Variants in EVX1 observed in about 807,000 individuals in gnomAD.
EVX1 encodes the protein even-skipped homeobox 1, also known as homeobox even-skipped homolog protein 1.
Under a neutral mutation model 28.6 loss-of-function variants are expected in EVX1, and 19 were observed. The ratio of observed to expected loss-of-function variants is 0.67; its 90% CI spans 0.46 to 0.98. The LOEUF (loss-of-function observed/expected upper bound fraction) is 0.98, where lower values mean the gene tolerates loss of function less well. Among genes scored for constraint, EVX1 ranks in the 50% least tolerant of loss-of-function variants. EVX1 has a pLI of 0.00. For missense variants in EVX1, 660 were observed against 583.0 expected (o/e 1.13, Z -1.36); for synonymous variants, 324 against 278.2 (o/e 1.16, Z -1.64).
intron 2 of EVX1, 37 bp downstream of exon 2, chr7:27,245,341 C>CTATT: frequency 6.2e-7 from 1 of 1,606,890 alleles, no homozygotes; most frequent in Non-Finnish European, 8.5e-7. Context: ...GGGTGTGCAC[C>CTATT]TATTTAGCGG....
In EVX1 at chr7:27,243,466, C is replaced by A; in HGVS notation, c.427+9C>A. ...GTACCAGCACAGCAAAGGTAGCCAC[C>A]GTGCCCCTCCGCTCCCCGGGCCTCC... On this transcript the variant is annotated intron_variant, in intron 1 of 2. Coordinates refer to ENST00000496902, the MANE Select transcript of EVX1 (RefSeq NM_001989.5). 1.3e-6 allele frequency: 2 copies of A among 1,565,616 alleles called. No homozygotes were observed. The highest frequency in any genetic ancestry group is 8.6e-7 in the Non-Finnish European group (1 of 1,158,672).
rs1016637460 is a variant in EVX1, at chr7:27,243,014, C to G, written c.-17C>G. 6 of 1,546,618 alleles carry G rather than the reference C, an allele frequency of 3.9e-6. No homozygotes were observed. Among genetic ancestry groups the G allele is most frequent in the Non-Finnish European group, 5.2e-6 (6 of 1,146,900 alleles). Reference sequence around the variant, plus strand: ...ACTCACTTGGGGCTTTCCCCTCCCCCACCGGAGAGCCCCGGGATGGAGAGC... The same window carrying G: ...ACTCACTTGGGGCTTTCCCCTCCCCGACCGGAGAGCCCCGGGATGGAGAGC... On this transcript the variant is annotated 5_prime_UTR_variant, in exon 1 of 3. Coordinates refer to ENST00000496902, the MANE Select transcript of EVX1 (RefSeq NM_001989.5).
intron 1 of EVX1, chr7:27,244,374 G>GC (rs1184430323): frequency 5.3e-6 from 2 of 374,928 alleles, no homozygotes; most frequent in African/African-American, 4.5e-5. Context: ...CCTGGGGGCG[G>GC]GGGGGAGAAA....
Position 27,243,138 on chromosome 7 carries a change from G to T in EVX1, c.108G>T (p.Pro36=). 2 of 1,604,992 alleles carry T rather than the reference G, an allele frequency of 1.2e-6. No individual in the cohort carries two copies. Among genetic ancestry groups the T allele is most frequent in the Middle Eastern group, 1.7e-4 (1 of 6,058 alleles). Residue 36 remains proline, a synonymous_variant, in exon 1 of 3, where the codon CCG becomes CCT. Coordinates refer to ENST00000496902, the MANE Select transcript of EVX1 (RefSeq NM_001989.5). ...NLSEAVGSPL[P]EPPEKMVPRG... is the part of the protein sequence containing the mutation. Reference sequence around the variant, plus strand: ...CCGAAGCCGTGGGCAGCCCGCTGCCGGAGCCGCCCGAGAAAATGGTGCCCC... The same window carrying T: ...CCGAAGCCGTGGGCAGCCCGCTGCCTGAGCCGCCCGAGAAAATGGTGCCCC...
At position 27,246,411 on chromosome 7, in the gene EVX1, C is replaced by G. The variant is rs750926447; in HGVS notation, c.1210C>G (p.Pro404Ala). The change falls in exon 3 of 3, where the codon CCC becomes GCC. Residue 404 changes from proline to alanine, a missense_variant. Transcript: ENST00000496902. ...SVALDQREEV[P>A]LTR ...CGCGCTGGACCAGAGGGAGGAGGTG[C>G]CCCTCACTAGATAAGGGGCCGCCGG... The G allele has an allele frequency of 6.3e-7, 1 of 1,598,210 alleles. No individual in the cohort carries two copies. The highest frequency in any genetic ancestry group is 1.3e-5 in the African/African-American group (1 of 74,124).
At chr7:27,244,015 A>G (rs1172530357) in intron 1 of EVX1, 1 of 152,364 alleles carries the variant, frequency 6.6e-6, no homozygotes, top group African/African-American at 2.4e-5. Flanking sequence ...CCAATGGTCT[A>G]ATTGCCTTTG....
Position 27,242,999 on chromosome 7 carries a change from GGCTTTC to G in EVX1, c.-31_-26del, listed in dbSNP as rs1253250335. ...GAGCCGGGGTTAGGAACTCACTTGG[GGCTTTC>G]CCCTCCCCCACCGGAGAGCCCCGGG... On this transcript the variant is annotated 5_prime_UTR_variant, in exon 1 of 3. Coordinates refer to ENST00000496902, the MANE Select transcript of EVX1 (RefSeq NM_001989.5). 1 of 1,514,104 alleles carries G rather than the reference GGCTTTC, an allele frequency of 6.6e-7. No homozygotes were observed. The highest frequency in any genetic ancestry group is 8.8e-7 in the Non-Finnish European group (1 of 1,130,502). The allele number at this position is 1,514,104 out of a possible 1,614,324, so 93.8% of individuals were successfully genotyped here. A position where few individuals can be genotyped will look rare whatever the true frequency, so the allele number is the denominator to read the frequency against.
Position 27,245,069 on chromosome 7 carries a change from T to C in EVX1, c.449T>C (p.Val150Ala). The change falls in exon 2 of 3, where the codon GTC (valine) becomes GCC (alanine). Residue 150 changes from valine to alanine, a missense_variant. Coordinates refer to ENST00000496902, the MANE Select transcript of EVX1 (RefSeq NM_001989.5). The stretch of plus-strand genomic sequence containing the variant: ...GCAGGGTCCGGCTCCGAGGCGCTGG[T>C]CGGCAGTCCGAACGGAGGGAGCGAG... ...HSKGSGSEAL[V>A]GSPNGGSETP... The C allele has an allele frequency of 6.2e-7, 1 of 1,611,788 alleles. No individual in the cohort carries two copies. The highest frequency in any genetic ancestry group is 8.5e-7 in the Non-Finnish European group (1 of 1,179,776).
At position 27,243,301 on chromosome 7, in the gene EVX1, A is replaced by G. The variant is rs1783076977; in HGVS notation, c.271A>G (p.Met91Val). 2 of 1,563,152 alleles carry G rather than the reference A, an allele frequency of 1.3e-6. No individual in the cohort carries two copies. Among genetic ancestry groups the G allele is most frequent in the East Asian group, 4.9e-5 (2 of 41,188 alleles). ...CGAGCCCCAGGTAGCTGGGGCGGCC[A>G]TGCTCGGCCCAGGACCCCCGGCCCC... ...GAEPQVAGAA[M>V]LGPGPPAPSV... The change falls in exon 1 of 3, where the codon ATG (methionine) becomes GTG (valine). Residue 91 changes from methionine to valine, a missense_variant. By Grantham distance (21) the Met-to-Val change is conservative. Transcript: ENST00000496902.
At chr7:27,245,827 C>G in intron 2 of EVX1, 59 bp from the exon 3 acceptor site, 1 of 1,572,058 alleles carries the variant, frequency 6.4e-7, no homozygotes, top group Non-Finnish European at 8.6e-7. Flanking sequence ...GACCAGACTA[C>G]TGGCCTCTGA....
In EVX1 at chr7:27,246,331, G is replaced by A. The variant is rs955983329; in HGVS notation, c.1130G>A (p.Arg377His). Reference sequence around the variant, plus strand: ...GACTTCACCTGTGCCTCCACCTCCCGCTCGGACTCCTTCCTCACCTTCGCG... The same window carrying A: ...GACTTCACCTGTGCCTCCACCTCCCACTCGGACTCCTTCCTCACCTTCGCG... ...ASDFTCASTS[R>H]SDSFLTFAPS... Residue 377 changes from arginine (R) to histidine (H), a missense_variant, in exon 3 of 3, where the codon CGC becomes CAC. Coordinates refer to ENST00000496902, the MANE Select transcript of EVX1 (RefSeq NM_001989.5). 6.3e-7 allele frequency: 1 copy of A among 1,598,766 alleles called. No individual in the cohort carries two copies. Among genetic ancestry groups the A allele is most frequent in the East Asian group, 2.2e-5 (1 of 44,466 alleles).
At position 27,245,109 on chromosome 7, in the gene EVX1, C is replaced by T. The variant is rs758099155; in HGVS notation, c.489C>T (p.Asn163=). 2 of 1,613,134 alleles carry T rather than the reference C, an allele frequency of 1.2e-6. No individual in the cohort carries two copies. Among genetic ancestry groups the T allele is most frequent in the African/African-American group, 1.3e-5 (1 of 75,062 alleles). The stretch of plus-strand genomic sequence containing the variant: ...GAGGGAGCGAGACCCCCAAGAGCAA[C>T]GGCGGCAGTGGTGGGGGCGGCTCGC... The part of the protein sequence containing the change: ...PNGGSETPKS[N]GGSGGGGSQG... Residue 163 remains asparagine (N), a synonymous_variant, in exon 2 of 3, where the codon AAC becomes AAT. Transcript: ENST00000496902.
Position 27,246,238 on chromosome 7 carries a change from C to G in EVX1, c.1037C>G (p.Pro346Arg), listed in dbSNP as rs1783183257. The G allele has an allele frequency of 6.5e-7, 1 of 1,532,116 alleles. No homozygotes were observed. The highest frequency in any genetic ancestry group is 1.9e-5 in the Admixed American group (1 of 51,506). The allele number at this position is 1,532,116 out of a possible 1,614,324, so 94.9% of individuals were successfully genotyped here. A position where few individuals can be genotyped will look rare whatever the true frequency, so the allele number is the denominator to read the frequency against. ...GGACTGGGCGCCTCTGCCGGCGGCCCCTGCTCCTGCCTCGCCTGTCACAGC... is the reference window on the plus strand; with the variant it reads ...GGACTGGGCGCCTCTGCCGGCGGCCGCTGCTCCTGCCTCGCCTGTCACAGC... ...AHGLGASAGG[P>R]CSCLACHSGP... The change falls in exon 3 of 3, where the codon CCC becomes CGC. Residue 346 changes from proline (P) to arginine (R), a missense_variant. This residue lies in a region of EVX1 where 299 missense variants were observed against 241.3 expected (regional missense o/e 1.24). Coordinates refer to ENST00000496902, the MANE Select transcript of EVX1 (RefSeq NM_001989.5).
At chr7:27,244,984 C>T in intron 1 of EVX1, 64 bp from the exon 2 acceptor site, 1 of 1,561,364 alleles carries the variant, frequency 6.4e-7, no homozygotes, top group South Asian at 1.2e-5. Flanking sequence ...GGCCTACAGC[C>T]CCACTTCAAT....
rs750665807 is a variant in EVX1 at position 27,245,976 on chromosome 7, A to T, written c.775A>T (p.Met259Leu). The change falls in exon 3 of 3, where the codon ATG becomes TTG. Residue 259 changes from methionine to leucine, a missense_variant. Around this residue, in one of 3 missense-constraint regions of EVX1, gnomAD observed 299 missense variants for 241.3 expected, o/e 1.24. Coordinates refer to ENST00000496902, the MANE Select transcript of EVX1 (RefSeq NM_001989.5). Reference protein sequence around the residue: ...HPADPAFYTYMMSHAAAAGGL... With the variant: ...HPADPAFYTYLMSHAAAAGGL... ...GGCGGACCCCGCCTTCTACACTTAC[A>T]TGATGAGCCATGCGGCGGCCGCGGG... The T allele has an allele frequency of 1.9e-6, 3 of 1,605,934 alleles. No individual in the cohort carries two copies. The highest frequency in any genetic ancestry group is 1.3e-5 in the African/African-American group (1 of 75,026).
At chr7:27,244,898 G>T in intron 1 of EVX1, 150 bp from the exon 2 acceptor site, 2 of 1,273,660 alleles carry the variant, frequency 1.6e-6, no homozygotes, top group South Asian at 1.5e-5. Context: ...GTTCCCCAGA[G>T]GCCGCAGTAC....
intron 1 of EVX1, 25 bp downstream of exon 1, chr7:27,243,482 C>T: frequency 6.5e-7 from 1 of 1,549,788 alleles, no homozygotes; most frequent in Non-Finnish European, 8.7e-7. Context: ...CCTCCGCTCC[C>T]CGGGCCTCCC....
rs546856629 is a variant in EVX1 at position 27,243,290 on chromosome 7, C to T, written c.260C>T (p.Ala87Val). 1.5e-4 allele frequency: 232 copies of T among 1,554,740 alleles called. 1 individual carries two copies. In the Middle Eastern group the frequency reaches 2.6e-3, roughly 17 times the overall value. ...AAGPGAEPQV[A>V]GAAMLGPGPP... is the part of the protein sequence containing the mutation. ...GGGCCGGGCGCCGAGCCCCAGGTAG[C>T]TGGGGCGGCCATGCTCGGCCCAGGA... The change falls in exon 1 of 3, where the codon GCT (alanine) becomes GTT (valine). Residue 87 changes from alanine to valine, a missense_variant. This residue lies in a region of EVX1 where 308 missense variants were observed against 256.6 expected (regional missense o/e 1.20). Coordinates refer to ENST00000496902, the MANE Select transcript of EVX1 (RefSeq NM_001989.5).
chr7:27,246,023 A>G lies in EVX1; in HGVS notation c.822A>G (p.Pro274=). ...CGGGCGGCCTGCCCTACCCCTTCCC[A>G]TCGCACCTGCCCCTGCCCTACTACT... ...AAAGGLPYPF[P]SHLPLPYYSP... Residue 274 remains proline, a synonymous_variant, in exon 3 of 3, where the codon CCA becomes CCG. Coordinates refer to ENST00000496902, the MANE Select transcript of EVX1 (RefSeq NM_001989.5). The G allele has an allele frequency of 1.3e-6, 2 of 1,597,458 alleles. No individual in the cohort carries two copies. The highest frequency in any genetic ancestry group is 1.7e-6 in the Non-Finnish European group (2 of 1,178,252).
Sources: gnomAD v4.1 joint callset for allele counts on GRCh38, gnomAD v4.1.1 for gene constraint, gnomAD v4.1.1 regional missense constraint, MANE v1.5 for transcripts, NCBI Gene and HGNC (gene_info 2026-07-23, HGNC 2026-07-21) for gene names.